Variants in DHX35 observed in about 807,000 individuals in gnomAD.
DHX35 encodes DEAH-box helicase 35, also known as probable ATP-dependent RNA helicase DHX35.
DHX35 carries 84 observed loss-of-function variants against 99.6 expected under a neutral mutation model. That is an observed-to-expected ratio of 0.84 (90% CI 0.71 to 1.01). The LOEUF (loss-of-function observed/expected upper bound fraction) is 1.01, where lower values mean the gene tolerates loss of function less well. DHX35 is among the 50% of genes least tolerant of loss of function. DHX35 has a pLI of 0.00. For missense variants in DHX35, 852 were observed against 888.5 expected (o/e 0.96, Z 0.52); for synonymous variants, 331 against 316.2 (o/e 1.05, Z -0.50).
chr20:39,021,759 G>A, intron 15 of DHX35, 82 bp from the exon 16 acceptor site: 1 of 1,345,010 alleles, frequency 7.4e-7, no homozygotes, highest in Non-Finnish European at 1.1e-6. Flanking sequence ...TCAGTGTGGT[G>A]CAAGGAAAGT....
chr20:38,994,348 C>T (rs1447689270), intron 7 of DHX35, among the ~76,000 whole-genome samples: 2 of 151,628 alleles, frequency 1.3e-5, no homozygotes, highest in Admixed American at 6.6e-5. Flanking sequence ...TTCTCCAATG[C>T]CTGTTGATTA....
intron 3 of DHX35, among the ~76,000 whole-genome samples, chr20:38,974,223 A>G (rs961458617): frequency 9.2e-5 from 14 of 152,222 alleles, no homozygotes; most frequent in African/African-American, 3.4e-4. Context: ...TAGAAACTGG[A>G]GGAGGCAGGC....
chr20:38,963,694 A>G (rs1169184810), intron 1 of DHX35, among the ~76,000 whole-genome samples: 1 of 152,244 alleles, frequency 6.6e-6, no homozygotes, highest in Non-Finnish European at 1.5e-5. Context: ...AATTACTCTT[A>G]AGAGTTCTAT....
intron 12 of DHX35, among the ~76,000 whole-genome samples, chr20:39,008,705 C>G (rs2145908877): frequency 6.6e-6 from 1 of 152,320 alleles, no homozygotes; most frequent in Non-Finnish European, 1.5e-5. Flanking sequence ...CTCAGCTTAT[C>G]TTCTCCTACT....
intron 3 of DHX35, among the ~76,000 whole-genome samples, chr20:38,981,638 G>A (rs879709887): frequency 1.3e-5 from 2 of 152,054 alleles, no homozygotes; most frequent in Non-Finnish European, 2.9e-5. Context: ...ATTGGAGAAT[G>A]ATGTTTAGAA....
Position 39,023,686 on chromosome 20 carries a change from C to G in DHX35, c.1594-4C>G. Reference sequence around the variant, plus strand: ...AATTCTGAATGTTGCTTCATTCTTTCCAGATTCGAGTGCACCGTAAATTTG... The same window carrying G: ...AATTCTGAATGTTGCTTCATTCTTTGCAGATTCGAGTGCACCGTAAATTTG... On this transcript the variant is annotated splice_region_variant and splice_polypyrimidine_tract_variant and intron_variant, in intron 16 of 21. Coordinates refer to ENST00000252011, the MANE Select transcript of DHX35 (RefSeq NM_021931.4). 1 of 1,613,720 alleles carries G rather than the reference C, an allele frequency of 6.2e-7. No individual in the cohort carries two copies. Among genetic ancestry groups the G allele is most frequent in the East Asian group, 2.2e-5 (1 of 44,880 alleles).
At position 38,991,435 on chromosome 20, in the gene DHX35, T is replaced by A; in HGVS notation, c.451-19T>A. The A allele has an allele frequency of 6.2e-7, 1 of 1,607,514 alleles. No homozygotes were observed. The highest frequency in any genetic ancestry group is 8.5e-7 in the Non-Finnish European group (1 of 1,176,288). ...GTGTAAGTGAATTATTTCTAAAGCT[T>A]TGTGTTTTTATTTTTTAGTTTCTTA... On this transcript the variant is annotated intron_variant, in intron 5 of 21. Coordinates refer to ENST00000252011, the MANE Select transcript of DHX35 (RefSeq NM_021931.4).
At chr20:39,010,140 ATATCATGG>A in intron 12 of DHX35, 132 bp from the exon 13 acceptor site, 1 of 1,071,664 alleles carries the variant, frequency 9.3e-7, no homozygotes, top group Admixed American at 2.3e-5. Flanking sequence ...AAATAACTTT[ATATCATGG>A]TATCATGTGC....
intron 13 of DHX35, 30 bp downstream of exon 13, chr20:39,010,434 G>A: frequency 6.2e-7 from 1 of 1,610,196 alleles, no homozygotes; most frequent in Non-Finnish European, 8.5e-7. Flanking sequence ...TGGGGCCATA[G>A]GGAGGCTAGG....
At position 39,010,453 on chromosome 20, in the gene DHX35, A is replaced by C. The variant is rs377005536; in HGVS notation, c.1347+49A>C. 5 of 1,606,590 alleles carry C rather than the reference A, an allele frequency of 3.1e-6. No individual in the cohort carries two copies. The African/African-American group carries it at 6.7e-5, about 22-fold the overall frequency. ...GCCATAGGGAGGCTAGGGAGCTCAC[A>C]GGGGGATGTCAGGACATTGTCGTAG... On this transcript the variant is annotated intron_variant, in intron 13 of 21. Transcript: ENST00000252011.
intron 10 of DHX35, among the ~76,000 whole-genome samples, chr20:39,003,213 C>A (rs2086552781): frequency 6.6e-6 from 1 of 152,176 alleles, no homozygotes; most frequent in Admixed American, 6.5e-5. Flanking sequence ...ACCTCTTTTT[C>A]CAGTGACACC....
intron 13 of DHX35, among the ~76,000 whole-genome samples, chr20:39,011,584 C>T (rs986711725): frequency 1.1e-4 from 17 of 152,316 alleles, no homozygotes; most frequent in African/African-American, 3.6e-4. Context: ...AGGTGATCCA[C>T]CCCGTCTGGG....
intron 1 of DHX35, 142 bp downstream of exon 1, chr20:38,962,549 C>G: frequency 9.4e-7 from 1 of 1,059,626 alleles, no homozygotes; most frequent in South Asian, 1.5e-5. Flanking sequence ...GCGGGGGGAG[C>G]TCTGGCTCAG....
intron 12 of DHX35, among the ~76,000 whole-genome samples, chr20:39,009,246 C>T (rs1480880087): frequency 6.6e-6 from 1 of 152,204 alleles, no homozygotes; most frequent in Admixed American, 6.5e-5. Flanking sequence ...TCTCTTGAAA[C>T]TAAAGGAAGT....
chr20:39,005,067 G>A (rs1395088903), intron 11 of DHX35, among the ~76,000 whole-genome samples: 2 of 151,708 alleles, frequency 1.3e-5, no homozygotes, highest in Admixed American at 6.6e-5. Flanking sequence ...TCAGATAGGT[G>A]GTTTTATAGC....
In DHX35 at chr20:39,014,926, C is replaced by G. The variant is rs779739930; in HGVS notation, c.1394C>G (p.Ala465Gly). 15 of 1,614,024 alleles carry G rather than the reference C, an allele frequency of 9.3e-6. No individual in the cohort carries two copies. The Admixed American group carries it at 2.0e-4, about 22-fold the overall frequency. ...SMVQALELLY[A>G]LGGLDKDCRL... is the part of the protein sequence containing the mutation. Reference sequence around the variant, plus strand: ...GTTCAAGCCTTGGAGTTACTGTATGCTCTGGGAGGTATGCCAGTTTCTCTC... The same window carrying G: ...GTTCAAGCCTTGGAGTTACTGTATGGTCTGGGAGGTATGCCAGTTTCTCTC... Residue 465 changes from alanine to glycine, a missense_variant, in exon 14 of 22, where the codon GCT (alanine) becomes GGT (glycine). By Grantham distance (60) the Ala-to-Gly change is moderately conservative. Coordinates refer to ENST00000252011, the MANE Select transcript of DHX35 (RefSeq NM_021931.4).
In DHX35 at chr20:39,038,603, C is replaced by A; in HGVS notation, c.*60C>A. 2 of 1,569,140 alleles carry A rather than the reference C, an allele frequency of 1.3e-6. No individual in the cohort carries two copies. The highest frequency in any genetic ancestry group is 1.8e-5 in the Admixed American group (1 of 55,266). On this transcript the variant is annotated 3_prime_UTR_variant, in exon 22 of 22. Coordinates refer to ENST00000252011, the MANE Select transcript of DHX35 (RefSeq NM_021931.4). ...GCGTCCTCTCCTCCATGCTGCTGCCCCTGGTCCCAGGTGGGGTGAGCTGGC... is the reference window on the plus strand; with the variant it reads ...GCGTCCTCTCCTCCATGCTGCTGCCACTGGTCCCAGGTGGGGTGAGCTGGC...
At position 39,006,140 on chromosome 20, in the gene DHX35, A is replaced by G. The variant is rs1258191222; in HGVS notation, c.1012-6A>G. ...AGTTTTATTCTTCTTTCTGTGGGGA[A>G]CGTAGGTGATAGTGGCCACCAATGT... On this transcript the variant is annotated splice_polypyrimidine_tract_variant and splice_region_variant and intron_variant, in intron 11 of 21. Transcript: ENST00000252011. 1.9e-6 allele frequency: 3 copies of G among 1,610,860 alleles called. No homozygotes were observed. In the African/African-American group the frequency reaches 4.0e-5, roughly 22 times the overall value.
chr20:39,007,412 G>A (rs765678815), intron 12 of DHX35, among the ~76,000 whole-genome samples: 4 of 152,152 alleles, frequency 2.6e-5, no homozygotes, highest in Admixed American at 2.0e-4. Context: ...ATAAAGAATC[G>A]GGAGCCTTGG....
Sources: allele counts gnomAD v4.1 joint callset (sites outside exome capture counted in the v4.1 genomes callset), GRCh38; gene constraint gnomAD v4.1.1; transcripts MANE v1.5; gene names NCBI Gene and HGNC (gene_info 2026-07-23, HGNC 2026-07-21).